LRRC37A2: variants seen among roughly 807,000 people sequenced by gnomAD.
LRRC37A2 encodes leucine rich repeat containing 37 member A2, also known as leucine-rich repeat-containing protein 37A2.
In LRRC37A2, 9 loss-of-function variants were observed where a neutral mutation model predicts 68.8. The observed-to-expected ratio is 0.13, with a 90% CI of 0.08 to 0.23. LRRC37A2 has a LOEUF of 0.23. LRRC37A2 is among the 10% of genes least tolerant of loss of function. The probability of loss-of-function intolerance (pLI) is 1.00; values close to 1 mark genes in which losing one functional copy is unlikely to be tolerated. For synonymous variants in LRRC37A2, 63 were observed against 367.6 expected (o/e 0.17, Z 9.48); for missense variants, 168 against 950.4 (o/e 0.18, Z 10.82).
At chr17:47,005,900 A>C in the LRRC37A2 span, 2 of 152,212 alleles carry the variant, frequency 1.3e-5, no homozygotes, top group Admixed American at 1.3e-4. Context: ...AATTGTAGAC[A>C]CTGATATGTA....
chr17:46,861,667 C>T, the LRRC37A2 span, among the ~76,000 whole-genome samples: 1 of 152,192 alleles, frequency 6.6e-6, no homozygotes, highest in Non-Finnish European at 1.5e-5. Context: ...GCCTCTTCTA[C>T]ACCCAAGCCC....
At chr17:46,878,233 G>T in the LRRC37A2 span, among the ~76,000 whole-genome samples, 1 of 152,238 alleles carries the variant, frequency 6.6e-6, no homozygotes, top group African/African-American at 2.4e-5. Flanking sequence ...ACGCCCATCT[G>T]TCAGCTTCCT....
the LRRC37A2 span, among the ~76,000 whole-genome samples, chr17:46,974,458 G>A: frequency 6.6e-6 from 1 of 152,204 alleles, no homozygotes; most frequent in African/African-American, 2.4e-5. Flanking sequence ...ATCTCCGCCG[G>A]GCGCGGTGGC....
At chr17:46,817,709 G>A in the LRRC37A2 span, among the ~76,000 whole-genome samples, 114 of 151,404 alleles carry the variant, frequency 7.5e-4, no homozygotes, top group South Asian at 2.9e-3. Context: ...TCTCAGGGAC[G>A]GAATTCTCCC....
At chr17:46,890,311 G>C in the LRRC37A2 span, among the ~76,000 whole-genome samples, 1 of 152,206 alleles carries the variant, frequency 6.6e-6, no homozygotes, top group East Asian at 1.9e-4. Flanking sequence ...TCCAGCTGGA[G>C]GGTGCTTCAG....
the LRRC37A2 span, chr17:46,722,243 A>G: frequency 8.4e-7 from 1 of 1,195,992 alleles, no homozygotes; most frequent in Admixed American, 1.7e-5. Context: ...CAAAATCCCT[A>G]CATTCTTAAG....
At chr17:46,921,815 T>C in the LRRC37A2 span, among the ~76,000 whole-genome samples, 127 of 152,214 alleles carry the variant, frequency 8.3e-4, no homozygotes, top group African/African-American at 2.9e-3. Context: ...ATGGCGACCA[T>C]TAAAAAGTCA....
chr17:46,742,770 C>T, the LRRC37A2 span, among the ~76,000 whole-genome samples: 2 of 152,226 alleles, frequency 1.3e-5, no homozygotes, highest in Middle Eastern at 3.4e-3. Flanking sequence ...ATGGATGATA[C>T]GTGGTTTCTA....
the LRRC37A2 span, among the ~76,000 whole-genome samples, chr17:46,809,470 C>T: frequency 6.6e-6 from 1 of 152,182 alleles, no homozygotes; most frequent in Non-Finnish European, 1.5e-5. Context: ...CATCCCCCTC[C>T]CCAACACACA....
chr17:46,864,860 C>T, the LRRC37A2 span, among the ~76,000 whole-genome samples: 3 of 152,202 alleles, frequency 2.0e-5, no homozygotes, highest in Non-Finnish European at 4.4e-5. Context: ...TGCCCTCCTG[C>T]TTCCCCGCAC....
At chr17:46,877,211 C>T in the LRRC37A2 span, 6 of 385,104 alleles carry the variant, frequency 1.6e-5, no homozygotes, top group Non-Finnish European at 2.1e-5. Context: ...TGCTCAGGTG[C>T]AGTGGGCTCC....
chr17:46,812,780 G>T, the LRRC37A2 span, among the ~76,000 whole-genome samples: 1 of 152,232 alleles, frequency 6.6e-6, no homozygotes, highest in African/African-American at 2.4e-5. Context: ...GAAGAGGCAA[G>T]TTTGGCTCCA....
the LRRC37A2 span, among the ~76,000 whole-genome samples, chr17:46,747,082 C>G: frequency 6.6e-6 from 1 of 152,166 alleles, no homozygotes; most frequent in Non-Finnish European, 1.5e-5. Context: ...TCAGCCAGGT[C>G]TTACCTGATC....
At chr17:46,776,673 G>A in the LRRC37A2 span, among the ~76,000 whole-genome samples, 1 of 152,068 alleles carries the variant, frequency 6.6e-6, no homozygotes, top group East Asian at 1.9e-4. Context: ...ATCACTGGAG[G>A]GGAAACTGAG....
the LRRC37A2 span, chr17:46,770,157 A>C: frequency 1.4e-6 from 2 of 1,399,410 alleles, no homozygotes; most frequent in African/African-American, 1.4e-5. Flanking sequence ...GGAAGAGTTG[A>C]AGAGCTCACC....
the LRRC37A2 span, among the ~76,000 whole-genome samples, chr17:46,766,722 C>T: frequency 6.6e-6 from 1 of 152,194 alleles, no homozygotes; most frequent in Non-Finnish European, 1.5e-5. Context: ...AGAGGCCCGT[C>T]CACTTCCCTC....
At chr17:46,982,692 G>T in the LRRC37A2 span, among the ~76,000 whole-genome samples, 3 of 152,198 alleles carry the variant, frequency 2.0e-5, no homozygotes, top group East Asian at 5.8e-4. Flanking sequence ...ATCCCTGGGG[G>T]AGGTGCTGGG....
the LRRC37A2 span, among the ~76,000 whole-genome samples, chr17:46,488,760 A>G: frequency 1.7e-4 from 24 of 137,762 alleles, 1 homozygote; most frequent in Admixed American, 4.4e-4. Flanking sequence ...TCCTCCCCCA[A>G]TGGAAAAATT....
the LRRC37A2 span, among the ~76,000 whole-genome samples, chr17:46,852,206 C>G: frequency 6.6e-6 from 1 of 152,228 alleles, no homozygotes; most frequent in Admixed American, 6.5e-5. Flanking sequence ...ATGGGTGGGA[C>G]GGGCTGTTCC....
Sources: allele counts gnomAD v4.1 joint callset (sites outside exome capture counted in the v4.1 genomes callset), GRCh38; gene constraint gnomAD v4.1.1; transcripts MANE v1.5; gene names NCBI Gene and HGNC (gene_info 2026-07-23, HGNC 2026-07-21).